The following CTNNA3 variants were observed in gnomAD, a reference collection of about 807,000 sequenced individuals.
The protein encoded by CTNNA3 is catenin alpha-3.
Under a neutral mutation model 95.7 loss-of-function variants are expected in CTNNA3, and 76 were observed. The ratio of observed to expected loss-of-function variants is 0.79; its 90% confidence interval spans 0.66 to 0.96. The LOEUF (loss-of-function observed/expected upper bound fraction) is 0.96. CTNNA3 is among the 40% of genes least tolerant of loss of function. The pLI, the probability that CTNNA3 is intolerant of heterozygous loss-of-function variation, is 0.00. For missense variants in CTNNA3, 1,191 were observed against 1,089.8 expected (o/e 1.09, Z -1.31); for synonymous variants, 431 against 374.4 (o/e 1.15, Z -1.74).
intron 7 of CTNNA3, among the ~76,000 whole-genome samples, chr10:66,834,840 A>AC (rs1488614687): frequency 6.6e-6 from 1 of 152,222 alleles, no homozygotes; most frequent in East Asian, 1.9e-4. Context: ...AAGAGCTCTT[A>AC]TTCTGTTGTG....
At chr10:67,583,383 G>C (rs996396465) in intron 3 of CTNNA3, among the ~76,000 whole-genome samples, 6 of 152,152 alleles carry the variant, frequency 3.9e-5, no homozygotes, top group South Asian at 2.1e-4. Flanking sequence ...GTTGAATATT[G>C]GTCCCCACTC....
chr10:65,939,787 T>C (rs1405021852), intron 17 of CTNNA3, among the ~76,000 whole-genome samples: 1 of 152,190 alleles, frequency 6.6e-6, no homozygotes, highest in Non-Finnish European at 1.5e-5. Context: ...GATTATTTGA[T>C]GAATTATATA....
intron 5 of CTNNA3, among the ~76,000 whole-genome samples, chr10:67,437,148 G>T (rs746108258): frequency 2.0e-5 from 3 of 152,060 alleles, no homozygotes; most frequent in Non-Finnish European, 2.9e-5. Flanking sequence ...GCTATAAAAA[G>T]GAATAAATTA....
At chr10:66,426,309 C>G (rs1169742597) in intron 11 of CTNNA3, among the ~76,000 whole-genome samples, 2 of 151,846 alleles carry the variant, frequency 1.3e-5, no homozygotes, top group African/African-American at 4.8e-5. Flanking sequence ...AAGTATTGTC[C>G]AATTTAACTT....
intron 5 of CTNNA3, among the ~76,000 whole-genome samples, chr10:67,437,307 T>C (rs1846335343): frequency 6.6e-6 from 1 of 152,060 alleles, no homozygotes; most frequent in Admixed American, 6.6e-5. Context: ...ACAATGGACT[T>C]TGGGGACCTG....
chr10:67,011,067 C>T (rs747061546), intron 7 of CTNNA3, among the ~76,000 whole-genome samples: 1 of 152,082 alleles, frequency 6.6e-6, no homozygotes, highest in Non-Finnish European at 1.5e-5. Context: ...CGGTGGCTCA[C>T]GCCTGTAATC....
In CTNNA3 at chr10:66,642,279, A is replaced by ACACACACAC. The variant is rs1554828894; in HGVS notation, c.1282-20496_1282-20495insGTGTGTGTG. ...ATACACACACACACACACACACACAAACACACACACACACACACACACACA... is the reference window on the plus strand; with the variant it reads ...ATACACACACACACACACACACACAACACACACACACACACACACACACACACACACACA... On this transcript the variant is annotated intron_variant, in intron 9 of 17. Coordinates refer to ENST00000433211, the MANE Select transcript of CTNNA3 (RefSeq NM_013266.4). Among the ~76,000 whole-genome samples, 197 of 61,422 alleles carry ACACACACAC rather than the reference A, an allele frequency of 3.2e-3. 2 individuals carry two copies. The highest frequency in any genetic ancestry group is 0.01 in the Middle Eastern group (1 of 96). 40.3% of individuals were successfully genotyped at this position (61,422 alleles called of 152,430 possible). A position where few individuals can be genotyped will look rare whatever the true frequency, so the allele number is the denominator to read the frequency against.
At chr10:66,613,809 T>C (rs1362593971) in intron 10 of CTNNA3, among the ~76,000 whole-genome samples, 1 of 152,138 alleles carries the variant, frequency 6.6e-6, no homozygotes, top group Non-Finnish European at 1.5e-5. Flanking sequence ...AGGCCTGATA[T>C]GGCTTTTACA....
intron 9 of CTNNA3, among the ~76,000 whole-genome samples, chr10:66,704,678 T>G (rs1000745253): frequency 3.3e-5 from 5 of 152,100 alleles, no homozygotes; most frequent in Non-Finnish European, 7.4e-5. Context: ...TCAGAGCCTG[T>G]TTTTTGACTA....
intron 11 of CTNNA3, among the ~76,000 whole-genome samples, chr10:66,422,784 C>A (rs1288757037): frequency 2.6e-5 from 4 of 151,814 alleles, no homozygotes; most frequent in African/African-American, 9.7e-5. Flanking sequence ...TTCACTCCAC[C>A]ACACCTGGTT....
chr10:66,779,843 A>G (rs1840460333), intron 7 of CTNNA3, among the ~76,000 whole-genome samples: 1 of 152,194 alleles, frequency 6.6e-6, no homozygotes, highest in Admixed American at 6.5e-5. Flanking sequence ...ATCATCTACT[A>G]TATGCGGGAC....
intron 5 of CTNNA3, among the ~76,000 whole-genome samples, chr10:67,319,146 C>G (rs1664451041): frequency 6.6e-6 from 1 of 152,230 alleles, no homozygotes; most frequent in Non-Finnish European, 1.5e-5. Flanking sequence ...CTCCAATAAA[C>G]TGTACTGGTA....
chr10:66,942,548 GTCTCTCTCTCTC>G (rs67598003), intron 7 of CTNNA3, among the ~76,000 whole-genome samples: 10 of 148,128 alleles, frequency 6.8e-5, no homozygotes, highest in East Asian at 6.0e-4. Context: ...TTGCCATAAT[GTCTCTCTCTCTC>G]TCTCTCTCTC....
At chr10:67,095,333 T>C (rs1251332538) in intron 7 of CTNNA3, among the ~76,000 whole-genome samples, 1 of 151,692 alleles carries the variant, frequency 6.6e-6, no homozygotes, top group Non-Finnish European at 1.5e-5. Context: ...TCAGAAATAA[T>C]AAAATGTGAA....
At chr10:65,958,803 A>C (rs916270560) in intron 17 of CTNNA3, among the ~76,000 whole-genome samples, 1 of 152,138 alleles carries the variant, frequency 6.6e-6, no homozygotes. Flanking sequence ...GTCAGCCCCT[A>C]CTGGGAGGTG....
At chr10:67,485,944 A>G (rs1324769953) in intron 5 of CTNNA3, among the ~76,000 whole-genome samples, 2 of 152,220 alleles carry the variant, frequency 1.3e-5, no homozygotes, top group Non-Finnish European at 2.9e-5. Context: ...TATTTTCCCT[A>G]CAGGGATATA....
At chr10:66,174,488 T>C (rs1205991196) in intron 13 of CTNNA3, among the ~76,000 whole-genome samples, 2 of 152,154 alleles carry the variant, frequency 1.3e-5, no homozygotes, top group East Asian at 1.9e-4. Context: ...AGAAGGTATG[T>C]ACAATTATAT....
intron 11 of CTNNA3, among the ~76,000 whole-genome samples, chr10:66,403,374 G>A (rs1375684889): frequency 6.6e-6 from 1 of 152,120 alleles, no homozygotes; most frequent in Non-Finnish European, 1.5e-5. Context: ...AATTGTAATT[G>A]ACTCACAGTG....
chr10:66,403,771 G>T (rs1251274906), intron 11 of CTNNA3, among the ~76,000 whole-genome samples: 1 of 152,176 alleles, frequency 6.6e-6, no homozygotes, highest in East Asian at 1.9e-4. Flanking sequence ...GACAGTAAGA[G>T]AAATCTGACA....
Sources: allele counts gnomAD v4.1 joint callset (sites outside exome capture counted in the v4.1 genomes callset), GRCh38; gene constraint gnomAD v4.1.1; transcripts MANE v1.5; gene names NCBI Gene and HGNC (gene_info 2026-07-23, HGNC 2026-07-21).